Variants in FER1L6 observed in about 807,000 individuals in gnomAD.
FER1L6 encodes fer-1-like protein 6.
In FER1L6, 177 loss-of-function variants were observed where a neutral mutation model predicts 219.2. The observed-to-expected ratio is 0.81, with a 90% CI of 0.71 to 0.91. The LOEUF (loss-of-function observed/expected upper bound fraction) is 0.91. Ranked by LOEUF, FER1L6 falls within the 40% of genes least tolerant of loss-of-function variation. The probability of loss-of-function intolerance (pLI) is 0.00; values close to 1 mark genes in which losing one functional copy is unlikely to be tolerated. For missense variants in FER1L6, 2,153 were observed against 2,259.9 expected, an observed-to-expected ratio of 0.95 and a Z score of 0.96; for synonymous variants, 768 against 824.3, an observed-to-expected ratio of 0.93 and a Z score of 1.17.
intron 1 of FER1L6, among the ~76,000 whole-genome samples, chr8:123,939,748 G>A (rs1186836584): frequency 6.6e-6 from 1 of 152,190 alleles, no homozygotes; most frequent in African/African-American, 2.4e-5. Context: ...AGCTGGAGCT[G>A]TCAGTCAGCG....
intron 39 of FER1L6, among the ~76,000 whole-genome samples, chr8:124,107,882 T>C (rs1055162334): frequency 2.0e-5 from 3 of 152,164 alleles, no homozygotes; most frequent in Admixed American, 1.3e-4. Flanking sequence ...AAGCCTCTTT[T>C]ATGAGGACAT....
At chr8:124,056,326 C>T (rs977623177) in intron 22 of FER1L6, among the ~76,000 whole-genome samples, 2 of 152,232 alleles carry the variant, frequency 1.3e-5, no homozygotes, top group Admixed American at 6.5e-5. Context: ...GCCTCCCCTA[C>T]GGTTGTGCAC....
intron 1 of FER1L6, among the ~76,000 whole-genome samples, chr8:123,944,816 G>C (rs1265692742): frequency 6.6e-6 from 1 of 152,146 alleles, no homozygotes; most frequent in Non-Finnish European, 1.5e-5. Flanking sequence ...ATGGCAAAGT[G>C]CTTGGAGGAG....
rs28373496 is a variant in FER1L6 at position 123,941,240 on chromosome 8, C to A, written c.-7-14752C>A. ...GATGAAAGGAAAAAGCTCTGGGAAC[C>A]TGGAGAGCTTAGATAGAACCAGGGT... is the stretch of plus-strand genomic sequence containing the variant. On this transcript the variant is annotated intron_variant, in intron 1 of 40. Transcript: ENST00000522917. Among the ~76,000 whole-genome samples the A allele has an allele frequency of 3.9e-3, 586 of 152,182 alleles. 7 individuals are homozygous for A. The highest frequency in any genetic ancestry group is 0.014 in the African/African-American group (570 of 41,506).
intron 1 of FER1L6, among the ~76,000 whole-genome samples, chr8:123,948,614 T>C (rs1376273655): frequency 6.6e-6 from 1 of 152,190 alleles, no homozygotes; most frequent in African/African-American, 2.4e-5. Context: ...TTTTAATTTA[T>C]GATTCTTTGT....
intron 1 of FER1L6, among the ~76,000 whole-genome samples, chr8:123,933,091 T>C (rs1220566537): frequency 6.6e-6 from 1 of 152,210 alleles, no homozygotes; most frequent in Non-Finnish European, 1.5e-5. Flanking sequence ...GGTTTCTTTT[T>C]CTGAGGAAGA....
rs1821284410 is a variant in FER1L6 at position 124,076,251 on chromosome 8, G to C, written c.4146G>C (p.Val1382=). 6.2e-7 allele frequency: 1 copy of C among 1,613,942 alleles called. No homozygotes were observed. The highest frequency in any genetic ancestry group is 1.7e-5 in the Admixed American group (1 of 60,000). The change falls in exon 32 of 41, where the codon GTG becomes GTC. Residue 1382 remains valine (V), a synonymous_variant. Coordinates refer to ENST00000522917, the MANE Select transcript of FER1L6 (RefSeq NM_001039112.2). The part of the protein sequence containing the change: ...DPDGKSDPYI[V]IKLGKTEIKD... Reference sequence around the variant, plus strand: ...ATGGCAAATCAGATCCCTACATTGTGATCAAGCTTGGCAAGACAGAAATCA... The same window carrying C: ...ATGGCAAATCAGATCCCTACATTGTCATCAAGCTTGGCAAGACAGAAATCA...
At chr8:124,096,453 CT>C (rs1289852228) in intron 35 of FER1L6, among the ~76,000 whole-genome samples, 2 of 152,152 alleles carry the variant, frequency 1.3e-5, no homozygotes, top group Non-Finnish European at 2.9e-5. Flanking sequence ...AAATCCACCC[CT>C]GCCCCATCAT....
intron 10 of FER1L6, among the ~76,000 whole-genome samples, chr8:123,978,653 A>G (rs1816196930): frequency 6.6e-6 from 1 of 152,186 alleles, no homozygotes; most frequent in Non-Finnish European, 1.5e-5. Flanking sequence ...ACATACATAT[A>G]CATGTATGTA....
chr8:124,016,229 A>G (rs928282090), intron 15 of FER1L6, among the ~76,000 whole-genome samples: 5 of 152,226 alleles, frequency 3.3e-5, no homozygotes, highest in African/African-American at 1.2e-4. Context: ...GAATGGGGCA[A>G]CAAGATTCCC....
chr8:124,040,029 C>G (rs749937212), intron 20 of FER1L6, 23 bp downstream of exon 20: 4 of 1,613,594 alleles, frequency 2.5e-6, no homozygotes, highest in Non-Finnish European at 3.4e-6. Flanking sequence ...ACCAAGACAG[C>G]CTGCTTCTTT....
chr8:123,966,331 C>T (rs201481369), intron 5 of FER1L6, 41 bp downstream of exon 5: 2 of 1,609,780 alleles, frequency 1.2e-6, no homozygotes, highest in African/African-American at 1.3e-5. Context: ...CACTAAGATT[C>T]TCTTCACCAC....
intron 39 of FER1L6, among the ~76,000 whole-genome samples, chr8:124,103,743 G>T (rs1374625440): frequency 1.3e-5 from 2 of 152,218 alleles, no homozygotes. Flanking sequence ...ATGTCAGATT[G>T]TGTGGTATGT....
At chr8:123,977,147 T>C (rs1217165694) in intron 9 of FER1L6, among the ~76,000 whole-genome samples, 1 of 152,246 alleles carries the variant, frequency 6.6e-6, no homozygotes, top group Admixed American at 6.5e-5. Flanking sequence ...ACTGTATTTC[T>C]GGAGTTGCAC....
intron 32 of FER1L6, among the ~76,000 whole-genome samples, chr8:124,080,192 A>G (rs1274248824): frequency 6.6e-6 from 1 of 152,046 alleles, no homozygotes; most frequent in Non-Finnish European, 1.5e-5. Context: ...GTTTTGGCCC[A>G]TTTCATGATG....
At chr8:123,860,073 G>T (rs1816719520) in intron 1 of FER1L6, among the ~76,000 whole-genome samples, 2 of 139,816 alleles carry the variant, frequency 1.4e-5, no homozygotes, top group African/African-American at 5.7e-5. Flanking sequence ...CTGGTGCACT[G>T]CACCCACTAA....
At chr8:123,983,147 C>T (rs952536191) in intron 11 of FER1L6, among the ~76,000 whole-genome samples, 1 of 152,214 alleles carries the variant, frequency 6.6e-6, no homozygotes, top group Non-Finnish European at 1.5e-5. Flanking sequence ...ATGGCTCACC[C>T]TCATCAACAT....
At chr8:124,107,606 G>T (rs548195029) in intron 39 of FER1L6, among the ~76,000 whole-genome samples, 240 of 152,300 alleles carry the variant, frequency 1.6e-3, no homozygotes, top group African/African-American at 5.2e-3. Flanking sequence ...TCTCCATGCT[G>T]TCCTTGCCTT....
intron 18 of FER1L6, among the ~76,000 whole-genome samples, chr8:124,026,174 C>T (rs1818699220): frequency 6.6e-6 from 1 of 151,924 alleles, no homozygotes; most frequent in South Asian, 2.1e-4. Flanking sequence ...ATTTTACCTC[C>T]ACTACAAATA....
Sources: allele counts gnomAD v4.1 joint callset (sites outside exome capture counted in the v4.1 genomes callset), GRCh38; gene constraint gnomAD v4.1.1; transcripts MANE v1.5; gene names NCBI Gene and HGNC (gene_info 2026-07-23, HGNC 2026-07-21).